EML5: variants seen among roughly 807,000 people sequenced by gnomAD.
EML5 encodes EMAP like 5.
Under a neutral mutation model 250.0 loss-of-function variants are expected in EML5, and 120 were observed. The ratio of observed to expected loss-of-function variants is 0.48; its 90% confidence interval spans 0.41 to 0.56. The LOEUF is 0.56. Among genes scored for constraint, EML5 ranks in the 20% least tolerant of loss-of-function variants. EML5 has a pLI of 0.00. For missense variants in EML5, 2,006 were observed against 2,437.6 expected (o/e 0.82, Z 3.73); for synonymous variants, 771 against 806.5 (o/e 0.96, Z 0.75).
intron 23 of EML5, among the ~76,000 whole-genome samples, chr14:88,663,675 C>A (rs2092208210): frequency 6.6e-6 from 1 of 151,676 alleles, no homozygotes; most frequent in South Asian, 2.1e-4. Flanking sequence ...TTAAAATCTT[C>A]ATTAACATTT....
chr14:88,779,186 T>G (rs1378017747), intron 1 of EML5, among the ~76,000 whole-genome samples: 1 of 152,222 alleles, frequency 6.6e-6, no homozygotes, highest in Non-Finnish European at 1.5e-5. Context: ...ATCCAGGTTT[T>G]GGGGATATTT....
At chr14:88,759,697 A>AAAAG (rs1555374456) in intron 1 of EML5, among the ~76,000 whole-genome samples, 2 of 150,904 alleles carry the variant, frequency 1.3e-5, no homozygotes, top group Admixed American at 1.3e-4. Context: ...AAAAAAAAAA[A>AAAAG]AAAAAAACTG....
intron 7 of EML5, 87 bp from the exon 8 acceptor site, chr14:88,726,765 T>A: frequency 1.0e-6 from 1 of 972,560 alleles, no homozygotes; most frequent in Non-Finnish European, 1.4e-6. Context: ...TCATCTTAAT[T>A]AAGATAAATC....
intron 27 of EML5, among the ~76,000 whole-genome samples, chr14:88,651,342 C>G (rs1171954709): frequency 6.6e-6 from 1 of 151,896 alleles, no homozygotes; most frequent in East Asian, 1.9e-4. Context: ...AAGTTAGCTG[C>G]AGAATATACA....
rs574457049 is a variant in EML5, at chr14:88,756,652, G to A, written c.198-1981C>T. 2.6e-5 allele frequency among the ~76,000 whole-genome samples: 4 copies of A among 152,104 alleles called. No homozygotes were observed. The East Asian group carries it at 5.8e-4, about 22-fold the overall frequency. On this transcript the variant is annotated intron_variant, in intron 1 of 43. Coordinates refer to ENST00000554922, the MANE Select transcript of EML5 (RefSeq NM_183387.3). ...AATTCAGCAAGGTTGCAGGATATAC[G>A]ATCAACATAAAAAATCTATTGTATT...
intron 1 of EML5, among the ~76,000 whole-genome samples, chr14:88,770,083 G>A (rs144175961): frequency 7.2e-4 from 109 of 152,100 alleles, no homozygotes; most frequent in African/African-American, 2.4e-3. Context: ...AGGAAAGAGC[G>A]CTTGTGAAAC....
intron 21 of EML5, among the ~76,000 whole-genome samples, chr14:88,672,653 A>T (rs2092495661): frequency 6.6e-6 from 1 of 151,890 alleles, no homozygotes; most frequent in African/African-American, 2.4e-5. Flanking sequence ...CATTAGCTAG[A>T]CAAGAAAAGA....
In EML5 at chr14:88,709,809, T is replaced by A. The variant is rs147256665; in HGVS notation, c.1657+2462A>T. 2.6e-5 allele frequency among the ~76,000 whole-genome samples: 4 copies of A among 152,248 alleles called. No individual in the cohort carries two copies. In the East Asian group the frequency reaches 7.7e-4, roughly 29 times the overall value. ...TAAATGCATGAATTGCAGCATATAC[T>A]TACAACACAATATTTTGCAGCAGTG... On this transcript the variant is annotated intron_variant, in intron 10 of 43. Coordinates refer to ENST00000554922, the MANE Select transcript of EML5 (RefSeq NM_183387.3).
intron 33 of EML5, among the ~76,000 whole-genome samples, chr14:88,631,918 T>G (rs1316177950): frequency 6.6e-6 from 1 of 152,208 alleles, no homozygotes; most frequent in African/African-American, 2.4e-5. Flanking sequence ...TCCAACCTAA[T>G]ACTCATTCCC....
At chr14:88,627,597 C>T (rs2140424307) in intron 34 of EML5, 49 bp downstream of exon 34, 2 of 1,531,726 alleles carry the variant, frequency 1.3e-6, no homozygotes, top group Admixed American at 2.1e-5. Flanking sequence ...ATTCCTACTA[C>T]CTTTGTATTC....
chr14:88,690,110 T>C (rs559266479), intron 17 of EML5, among the ~76,000 whole-genome samples: 1 of 152,182 alleles, frequency 6.6e-6, no homozygotes, highest in East Asian at 1.9e-4. Context: ...TACAACAACA[T>C]GACTGAAATC....
At chr14:88,702,903 C>A (rs370088178) in intron 13 of EML5, among the ~76,000 whole-genome samples, 1 of 152,064 alleles carries the variant, frequency 6.6e-6, no homozygotes, top group African/African-American at 2.4e-5. Flanking sequence ...TACTGCTGTG[C>A]GCCACCATGC....
chr14:88,745,722 A>T (rs543774205), intron 3 of EML5, among the ~76,000 whole-genome samples: 1 of 152,170 alleles, frequency 6.6e-6, no homozygotes, highest in Non-Finnish European at 1.5e-5. Context: ...CACCTTAAAT[A>T]TGTGCATCCC....
intron 28 of EML5, among the ~76,000 whole-genome samples, chr14:88,649,658 TATTCA>T (rs2091528229): frequency 6.6e-6 from 1 of 152,202 alleles, no homozygotes; most frequent in African/African-American, 2.4e-5. Flanking sequence ...AAACCAAAAC[TATTCA>T]TTTGCATTGT....
chr14:88,720,377 C>G (rs550582356), intron 8 of EML5, among the ~76,000 whole-genome samples: 1 of 152,136 alleles, frequency 6.6e-6, no homozygotes, highest in South Asian at 2.1e-4. Flanking sequence ...TGCAAAAATC[C>G]TCAGTAAAAT....
chr14:88,661,925 C>T, intron 24 of EML5, 95 bp from the exon 25 acceptor site: 1 of 1,117,472 alleles, frequency 8.9e-7, no homozygotes, highest in African/African-American at 1.6e-5. Flanking sequence ...TTATGTGTGT[C>T]ACAAGTAAAA....
At chr14:88,678,550 C>A (rs1167937302) in intron 21 of EML5, among the ~76,000 whole-genome samples, 2 of 152,114 alleles carry the variant, frequency 1.3e-5, no homozygotes, top group Non-Finnish European at 2.9e-5. Flanking sequence ...AAGGGACATA[C>A]ATTAATTGTA....
intron 37 of EML5, 190 bp from the exon 38 acceptor site, chr14:88,621,491 T>C (rs1188444852): frequency 8.1e-6 from 5 of 615,284 alleles, no homozygotes; most frequent in African/African-American, 5.5e-5. Context: ...GTAAGCACAA[T>C]GGGCTAGATT....
At chr14:88,747,651 C>G (rs766574694) in intron 2 of EML5, among the ~76,000 whole-genome samples, 4 of 151,938 alleles carry the variant, frequency 2.6e-5, no homozygotes, top group Non-Finnish European at 5.9e-5. Flanking sequence ...GCAAAGAATA[C>G]GAGACTATAA....
Sources: allele counts gnomAD v4.1 joint callset (sites outside exome capture counted in the v4.1 genomes callset), GRCh38; gene constraint gnomAD v4.1.1; transcripts MANE v1.5; gene names NCBI Gene and HGNC (gene_info 2026-07-23, HGNC 2026-07-21).